The following DOP1B variants were observed in gnomAD, a reference collection of about 807,000 sequenced individuals.
DOP1B encodes the protein protein DOP1B.
Under a neutral mutation model 233.5 loss-of-function variants are expected in DOP1B, and 174 were observed. The ratio of observed to expected loss-of-function variants is 0.75; its 90% CI spans 0.66 to 0.85. The LOEUF (loss-of-function observed/expected upper bound fraction) is 0.85. Ranked by LOEUF, DOP1B falls within the 40% of genes least tolerant of loss-of-function variation. The pLI is 0.00. For missense variants in DOP1B, 2,652 were observed against 2,846.6 expected (o/e 0.93, Z 1.56); for synonymous variants, 1,190 against 1,185.6 (o/e 1.00, Z -0.08).
At chr21:36,170,622 A>AT (rs1568997666) in intron 2 of DOP1B, 8 of 142,086 alleles carry the variant, frequency 5.6e-5, no homozygotes, top group East Asian at 2.0e-4. Flanking sequence ...TATATATATA[A>AT]AATTATTATT....
chr21:36,171,721 C>T (rs1323610439), intron 2 of DOP1B, among the ~76,000 whole-genome samples: 5 of 152,198 alleles, frequency 3.3e-5, no homozygotes, highest in Non-Finnish European at 7.3e-5. Context: ...ACCTTGATTT[C>T]AGACTTAACA....
rs555985209 is a variant in DOP1B at position 36,219,681 on chromosome 21, C to T, written c.1250+189C>T. Among the ~76,000 whole-genome samples, 10 of 152,110 alleles carry T rather than the reference C, an allele frequency of 6.6e-5. No individual in the cohort carries two copies. In the East Asian group the frequency reaches 9.6e-4, roughly 15 times the overall value. On this transcript the variant is annotated intron_variant, in intron 10 of 36. Coordinates refer to ENST00000691173, the MANE Select transcript of DOP1B (RefSeq NM_001320714.2). ...GGAATTGACTGTTCCCTACTGAGTA[C>T]GGTGAAGAGTTTAAAGGGAGTTTGA...
At position 36,270,144 on chromosome 21, in the gene DOP1B, G is replaced by C. The variant is rs753322566; in HGVS notation, c.5619G>C (p.Glu1873Asp). The C allele has an allele frequency of 6.2e-7, 1 of 1,614,074 alleles. No individual in the cohort carries two copies. The highest frequency in any genetic ancestry group is 1.7e-5 in the Admixed American group (1 of 59,984). The stretch of plus-strand genomic sequence containing the variant: ...CCTCTCTAGAAGAATCTGATGCTGA[G>C]GAGGACCTGTATGGTAGGTGGAGAT... The part of the protein sequence containing the change: ...PQASLEESDA[E>D]EDLYDAAAAS... Residue 1873 changes from glutamate (E) to aspartate (D), a missense_variant, in exon 27 of 37, where the codon GAG becomes GAC. Around this residue, in one of 3 missense-constraint regions of DOP1B, gnomAD observed 2,617 missense variants for 2,794.3 expected, o/e 0.94. Transcript: ENST00000691173.
At chr21:36,289,229 T>A (rs2067526790) in intron 35 of DOP1B, 23 bp downstream of exon 35, 1 of 1,603,934 alleles carries the variant, frequency 6.2e-7, no homozygotes, top group Non-Finnish European at 8.5e-7. Flanking sequence ...GGATCGTGTG[T>A]CCTTTTTGAA....
intron 15 of DOP1B, among the ~76,000 whole-genome samples, chr21:36,235,716 A>G (rs971718866): frequency 6.6e-6 from 1 of 152,096 alleles, no homozygotes; most frequent in African/African-American, 2.4e-5. Context: ...GCACATAGTG[A>G]GACCCTGCCT....
intron 13 of DOP1B, 102 bp from the exon 14 acceptor site, chr21:36,230,348 T>C (rs2066745334): frequency 2.9e-6 from 4 of 1,357,124 alleles, no homozygotes; most frequent in Non-Finnish European, 3.0e-6. Flanking sequence ...TGGAGAGTGA[T>C]GATTTTGAAA....
chr21:36,185,033 G>A (rs902937499), intron 2 of DOP1B, among the ~76,000 whole-genome samples: 1 of 152,212 alleles, frequency 6.6e-6, no homozygotes, highest in African/African-American at 2.4e-5. Context: ...GTAAGACTGT[G>A]TCCCGAAGGC....
intron 13 of DOP1B, among the ~76,000 whole-genome samples, chr21:36,229,033 C>G (rs1344827780): frequency 1.3e-5 from 2 of 152,164 alleles, no homozygotes; most frequent in East Asian, 3.9e-4. Context: ...CTTGCCTGCT[C>G]TGTAACTGCA....
Position 36,211,624 on chromosome 21 carries a change from G to T in DOP1B, c.753G>T (p.Leu251=). ...LVQRNNLEIV[L]FFFPFYTCLD... ...AAAGAAATAATCTGGAAATCGTTCT[G>T]TTTTTCTTCCCATTTTATACCTGTC... The change falls in exon 6 of 37, where the codon CTG becomes CTT. Residue 251 remains leucine (L), a synonymous_variant. Coordinates refer to ENST00000691173, the MANE Select transcript of DOP1B (RefSeq NM_001320714.2). 6.2e-7 allele frequency: 1 copy of T among 1,614,142 alleles called. No individual in the cohort carries two copies. Among genetic ancestry groups the T allele is most frequent in the Non-Finnish European group, 8.5e-7 (1 of 1,180,014 alleles).
At chr21:36,268,967 T>A (rs1280563780) in intron 26 of DOP1B, among the ~76,000 whole-genome samples, 1 of 151,722 alleles carries the variant, frequency 6.6e-6, no homozygotes, top group Non-Finnish European at 1.5e-5. Context: ...CGCGCCCGGC[T>A]GCAGTGAGTC....
rs779821772 is a variant in DOP1B at position 36,196,503 on chromosome 21, AG to A, written c.139-2566del. Among the ~76,000 whole-genome samples, 11 of 149,060 alleles carry A rather than the reference AG, an allele frequency of 7.4e-5. No homozygotes were observed. In the East Asian group the frequency reaches 9.7e-4, roughly 13 times the overall value. ...ATCCTTTGTGACAGTGTGGAAGTTA[AG>A]TGGCCTCTCCTCTGTTCTTTTTTTT... On this transcript the variant is annotated intron_variant, in intron 2 of 36. Transcript: ENST00000691173.
Position 36,246,186 on chromosome 21 carries a change from C to T in DOP1B, c.4206C>T (p.Tyr1402=), listed in dbSNP as rs148548382. 43 of 1,613,756 alleles carry T rather than the reference C, an allele frequency of 2.7e-5. No homozygotes were observed. Among genetic ancestry groups the T allele is most frequent in the Non-Finnish European group, 3.4e-5 (40 of 1,180,020 alleles). Residue 1402 remains tyrosine, a synonymous_variant, in exon 19 of 37, where the codon TAC becomes TAT. Transcript: ENST00000691173. This position sits in a 1 kb window ranked among gnomAD's most constrained non-coding sequence, Gnocchi z 5.1. ...CCATGTACACGAGCCAGAAGCGCTACGGGCTGGCCACCGCCCACCACGGCA... is the reference window on the plus strand; with the variant it reads ...CCATGTACACGAGCCAGAAGCGCTATGGGCTGGCCACCGCCCACCACGGCA... ...SASMYTSQKR[Y]GLATAHHGRA...
intron 36 of DOP1B, among the ~76,000 whole-genome samples, chr21:36,292,972 C>T (rs1412609075): frequency 6.6e-6 from 1 of 151,812 alleles, no homozygotes; most frequent in Non-Finnish European, 1.5e-5. Flanking sequence ...TTTGGGAGGC[C>T]GAGGTGGGCA....
In DOP1B at chr21:36,280,343, A is replaced by G. The variant is rs780714685; in HGVS notation, c.6028A>G (p.Met2010Val). The change falls in exon 31 of 37, where the codon ATG becomes GTG. Residue 2010 changes from methionine to valine, a missense_variant. Coordinates refer to ENST00000691173, the MANE Select transcript of DOP1B (RefSeq NM_001320714.2). Reference protein sequence around the residue: ...THEKTMFKDLMNMQSSSLKLF... With the variant: ...THEKTMFKDLVNMQSSSLKLF... Reference sequence around the variant, plus strand: ...TGAGAAAACAATGTTTAAGGATTTAATGAGTAAGTTCTGTGTTACTTTTGC... The same window carrying G: ...TGAGAAAACAATGTTTAAGGATTTAGTGAGTAAGTTCTGTGTTACTTTTGC... The G allele has an allele frequency of 2.5e-5, 40 of 1,604,398 alleles. No homozygotes were observed. The highest frequency in any genetic ancestry group is 3.0e-5 in the Non-Finnish European group (35 of 1,172,832).
chr21:36,193,292 C>T (rs2066254368), intron 2 of DOP1B, among the ~76,000 whole-genome samples: 2 of 152,304 alleles, frequency 1.3e-5, no homozygotes, highest in South Asian at 4.1e-4. Flanking sequence ...ATCTGTGTCT[C>T]TGTGCTTGGG....
At position 36,208,888 on chromosome 21, in the gene DOP1B, C is replaced by G. The variant is rs1197348516; in HGVS notation, c.665C>G (p.Thr222Ser). The stretch of plus-strand genomic sequence containing the variant: ...CGGGAGCAGAAGTACATGCTGGGGA[C>G]CAATCACCAACTCACGGTGGGTGCT... Reference protein sequence around the residue: ...PGREQKYMLGTNHQLTVKSLR... With the variant: ...PGREQKYMLGSNHQLTVKSLR... The change falls in exon 5 of 37, where the codon ACC becomes AGC. Residue 222 changes from threonine to serine, a missense_variant. Thr to Ser is a moderately conservative substitution (Grantham distance 58). Around this residue, in one of 3 missense-constraint regions of DOP1B, gnomAD observed 2,617 missense variants for 2,794.3 expected, o/e 0.94. Coordinates refer to ENST00000691173, the MANE Select transcript of DOP1B (RefSeq NM_001320714.2). 11 of 1,537,930 alleles carry G rather than the reference C, an allele frequency of 7.2e-6. No homozygotes were observed. Among genetic ancestry groups the G allele is most frequent in the Non-Finnish European group, 9.6e-6 (11 of 1,142,498 alleles).
intron 12 of DOP1B, 30 bp downstream of exon 12, chr21:36,225,697 C>G: frequency 1.2e-6 from 2 of 1,607,294 alleles, no homozygotes; most frequent in Non-Finnish European, 1.7e-6. Flanking sequence ...CATCTCAACG[C>G]CTGCTATTAT....
At chr21:36,220,686 G>A (rs997996333) in intron 10 of DOP1B, among the ~76,000 whole-genome samples, 1 of 78,332 alleles carries the variant, frequency 1.3e-5, no homozygotes, top group Non-Finnish European at 2.4e-5. Context: ...TTTTTTTTTT[G>A]TGGAGATGAG....
At chr21:36,257,587 G>GTAGA (rs1435071042) in intron 23 of DOP1B, among the ~76,000 whole-genome samples, 1 of 148,928 alleles carries the variant, frequency 6.7e-6, no homozygotes, top group African/African-American at 2.5e-5. Flanking sequence ...AGGTTGATAC[G>GTAGA]TAGATAGATG....
Sources: gnomAD v4.1 joint callset for allele counts (sites outside exome capture counted in the v4.1 genomes callset) on GRCh38, gnomAD v4.1.1 for gene constraint, gnomAD v4.1.1 regional missense constraint, Gnocchi (gnomAD v3.1) non-coding constraint, MANE v1.5 for transcripts, NCBI Gene and HGNC (gene_info 2026-07-23, HGNC 2026-07-21) for gene names.